Variants in YLPM1 observed in about 807,000 individuals in gnomAD.
The protein encoded by YLPM1 is YLP motif containing 1, also known as YLP motif-containing protein 1.
In YLPM1, 99 loss-of-function variants were observed where a neutral mutation model predicts 230.0. The ratio of observed to expected loss-of-function variants is 0.43; its 90% CI spans 0.37 to 0.51. The LOEUF (loss-of-function observed/expected upper bound fraction) is 0.51, where lower values mean the gene tolerates loss of function less well. YLPM1 is among the 20% of genes least tolerant of loss of function. YLPM1 has a pLI of 0.00. For synonymous variants in YLPM1, 984 were observed against 942.5 expected, an observed-to-expected ratio of 1.04 and a Z score of -0.81; for missense variants, 2,592 against 2,707.7, an observed-to-expected ratio of 0.96 and a Z score of 0.95.
chr14:74,812,665 G>A lies in YLPM1; in HGVS notation c.5385G>A (p.Leu1795=), dbSNP rs1238591034. Residue 1795 remains leucine, a synonymous_variant, in exon 11 of 21, where the codon CTG becomes CTA. Transcript: ENST00000325680. The part of the protein sequence containing the change: ...RRTYPEERMP[L]PAPSLSHQPP... ...CTTATCCTGAGGAGCGAATGCCTCTGCCAGCTCCTTCACTGAGCCACCAGC... is the reference window on the plus strand; with the variant it reads ...CTTATCCTGAGGAGCGAATGCCTCTACCAGCTCCTTCACTGAGCCACCAGC... 6.2e-7 allele frequency: 1 copy of A among 1,613,560 alleles called. No individual in the cohort carries two copies. The highest frequency in any genetic ancestry group is 1.7e-5 in the Admixed American group (1 of 59,960).
At chr14:74,793,067 A>C (rs2091222981) in intron 4 of YLPM1, among the ~76,000 whole-genome samples, 1 of 152,134 alleles carries the variant, frequency 6.6e-6, no homozygotes. Context: ...TACTGTTCTG[A>C]TTCTTTTCCT....
chr14:74,788,212 C>T (rs578227013), intron 4 of YLPM1, among the ~76,000 whole-genome samples: 1 of 151,998 alleles, frequency 6.6e-6, no homozygotes, highest in African/African-American at 2.4e-5. Flanking sequence ...GCTCCACCTC[C>T]CAGGTTCACG....
chr14:74,820,416 T>G (rs1425843228), intron 16 of YLPM1, among the ~76,000 whole-genome samples: 1 of 152,050 alleles, frequency 6.6e-6, no homozygotes, highest in Non-Finnish European at 1.5e-5. Flanking sequence ...CCCAGCTAAT[T>G]TTTTATTTTT....
At chr14:74,766,888 T>C (rs962057020) in intron 1 of YLPM1, among the ~76,000 whole-genome samples, 5 of 149,484 alleles carry the variant, frequency 3.3e-5, no homozygotes, top group Admixed American at 6.7e-5. Context: ...CTTTTCTTTT[T>C]TTTTTTTTTT....
rs755246366 is a variant in YLPM1 at position 74,763,837 on chromosome 14, C to T, written c.348C>T (p.Ser116=). ...CCCCGCCACCCGGGCCGGCCCTCAGCTATCAGAAGCAGCAGCAGTACAAAC... is the reference window on the plus strand; with the variant it reads ...CCCCGCCACCCGGGCCGGCCCTCAGTTATCAGAAGCAGCAGCAGTACAAAC... ...PMPPPPGPAL[S]YQKQQQYKHQ... Residue 116 remains serine (S), a synonymous_variant, in exon 1 of 21, where the codon AGC becomes AGT. Coordinates refer to ENST00000325680, the MANE Select transcript of YLPM1 (RefSeq NM_019589.3). 2.0e-6 allele frequency: 3 copies of T among 1,517,972 alleles called. No homozygotes were observed. Among genetic ancestry groups the T allele is most frequent in the Admixed American group, 2.2e-5 (1 of 45,864 alleles). The allele number at this position is 1,517,972 out of a possible 1,614,324, so 94.0% of individuals were successfully genotyped here.
rs751649622 is a variant in YLPM1 at position 74,799,443 on chromosome 14, A to G, written c.4146A>G (p.Thr1382=). ...GAGAGTATCCAGAAAGAGGAGATAC[A>G]TGGCGGGAAAAGCGAGATTATGTTC... ...RIREYPERGD[T]WREKRDYVPD... The change falls in exon 5 of 21, where the codon ACA becomes ACG. Residue 1382 remains threonine, a synonymous_variant. Coordinates refer to ENST00000325680, the MANE Select transcript of YLPM1 (RefSeq NM_019589.3). 3.1e-6 allele frequency: 5 copies of G among 1,614,024 alleles called. No individual in the cohort carries two copies. The highest frequency in any genetic ancestry group is 1.1e-5 in the South Asian group (1 of 91,082).
At chr14:74,817,501 T>G (rs1161792793) in intron 15 of YLPM1, among the ~76,000 whole-genome samples, 1 of 152,224 alleles carries the variant, frequency 6.6e-6, no homozygotes, top group African/African-American at 2.4e-5. Flanking sequence ...AACCTAGATG[T>G]GCAGTAGGCT....
intron 6 of YLPM1, among the ~76,000 whole-genome samples, chr14:74,803,290 T>C (rs890672374): frequency 2.0e-5 from 3 of 152,134 alleles, no homozygotes; most frequent in Admixed American, 6.5e-5. Context: ...CTCCTTTTTT[T>C]CCCAAGAGCA....
At chr14:74,812,522 C>T (rs1216337923) in intron 10 of YLPM1, 106 bp from the exon 11 acceptor site, 1 of 1,181,436 alleles carries the variant, frequency 8.5e-7, no homozygotes, top group African/African-American at 1.6e-5. Flanking sequence ...GCCCCAAAAT[C>T]ACTGGACTTG....
chr14:74,800,266 T>A (rs746672388), intron 5 of YLPM1, among the ~76,000 whole-genome samples: 1 of 152,368 alleles, frequency 6.6e-6, no homozygotes, highest in African/African-American at 2.4e-5. Flanking sequence ...TGTTTCTACA[T>A]AACCAAATGT....
intron 4 of YLPM1, among the ~76,000 whole-genome samples, chr14:74,795,099 G>A (rs1022007770): frequency 8.5e-5 from 13 of 152,196 alleles, no homozygotes; most frequent in African/African-American, 2.9e-4. Flanking sequence ...ACTAAGAGAT[G>A]TCCTAGAGGA....
intron 11 of YLPM1, 69 bp downstream of exon 11, chr14:74,812,851 A>G (rs565718145): frequency 2.0e-6 from 3 of 1,501,192 alleles, no homozygotes; most frequent in Non-Finnish European, 2.7e-6. Flanking sequence ...ATATCCTGAA[A>G]AGAATTTCTT....
chr14:74,821,220 C>A, intron 17 of YLPM1, 83 bp downstream of exon 17: 1 of 1,447,224 alleles, frequency 6.9e-7, no homozygotes, highest in Non-Finnish European at 9.1e-7. Flanking sequence ...TGTGGTTAGA[C>A]AACTACTGTT....
At chr14:74,779,132 A>G (rs764806917) in intron 2 of YLPM1, among the ~76,000 whole-genome samples, 1 of 152,002 alleles carries the variant, frequency 6.6e-6, no homozygotes, top group Non-Finnish European at 1.5e-5. Context: ...ATGAGCCACC[A>G]TGCCTGGCCT....
At chr14:74,769,963 A>T (rs2090960843) in intron 1 of YLPM1, among the ~76,000 whole-genome samples, 1 of 149,760 alleles carries the variant, frequency 6.7e-6, no homozygotes. Flanking sequence ...CGGGCAGATC[A>T]CGAGGTCAGA....
chr14:74,835,607 TAGAA>T (rs2091637415), intron 20 of YLPM1, among the ~76,000 whole-genome samples, 160 bp downstream of exon 20: 1 of 152,188 alleles, frequency 6.6e-6, no homozygotes, highest in Non-Finnish European at 1.5e-5. Flanking sequence ...ACAATACTAT[TAGAA>T]AAGGAAGCCA....
chr14:74,797,171 A>G (rs1324327948), intron 4 of YLPM1, among the ~76,000 whole-genome samples: 49 of 74,676 alleles, frequency 6.6e-4, no homozygotes, highest in African/African-American at 1.8e-3. Context: ...TTTTTTTTTT[A>G]GTAGAGATAG....
chr14:74,794,071 T>C (rs2091234350), intron 4 of YLPM1, among the ~76,000 whole-genome samples: 1 of 152,266 alleles, frequency 6.6e-6, no homozygotes, highest in Non-Finnish European at 1.5e-5. Flanking sequence ...TTTCATCTTC[T>C]GATTACCTCC....
Position 74,816,553 on chromosome 14 carries a change from TG to T in YLPM1, c.5566-17del, listed in dbSNP as rs2091479630. ...TTCCATAAATTCGTTTTAACCTTCT[TG>T]ACTGTATGATTCTTAGGATAAGGAG... On this transcript the variant is annotated splice_polypyrimidine_tract_variant and intron_variant, in intron 12 of 20. Coordinates refer to ENST00000325680, the MANE Select transcript of YLPM1 (RefSeq NM_019589.3). The T allele has an allele frequency of 6.2e-7, 1 of 1,604,366 alleles. No homozygotes were observed. Among genetic ancestry groups the T allele is most frequent in the African/African-American group, 1.4e-5 (1 of 74,024 alleles).
Sources: gnomAD v4.1 joint callset for allele counts (sites outside exome capture counted in the v4.1 genomes callset) on GRCh38, gnomAD v4.1.1 for gene constraint, MANE v1.5 for transcripts, NCBI Gene and HGNC (gene_info 2026-07-23, HGNC 2026-07-21) for gene names.